The following COL3A1 variants were observed in gnomAD, a reference collection of about 807,000 sequenced individuals.
COL3A1 encodes collagen type III alpha 1 chain, also known as collagen alpha-1(III) chain.
COL3A1 carries 46 observed loss-of-function variants against 200.9 expected under a neutral mutation model. The ratio of observed to expected loss-of-function variants is 0.23; its 90% CI spans 0.18 to 0.29. The LOEUF (loss-of-function observed/expected upper bound fraction) is 0.29, where lower values mean the gene tolerates loss of function less well. COL3A1 is among the 10% of genes least tolerant of loss of function. COL3A1 has a pLI of 1.00. For missense variants in COL3A1, 1,367 were observed against 1,917.6 expected (o/e 0.71, Z 5.36); for synonymous variants, 650 against 628.0 (o/e 1.03, Z -0.52).
chr2:189,011,609 A>T lies in COL3A1; in HGVS notation c.4255-19A>T. 6.2e-7 allele frequency: 1 copy of T among 1,613,890 alleles called. No homozygotes were observed. The highest frequency in any genetic ancestry group is 8.5e-7 in the Non-Finnish European group (1 of 1,179,788). On this transcript the variant is annotated intron_variant, in intron 50 of 50. Coordinates refer to ENST00000304636, the MANE Select transcript of COL3A1 (RefSeq NM_000090.4). The stretch of plus-strand genomic sequence containing the variant: ...TAATTGTAATGTCATGATCATGTAC[A>T]TTTTGTCCTTTTTTACAGAAACACA...
At position 188,994,189 on chromosome 2, in the gene COL3A1, G is replaced by A; in HGVS notation, c.1195-45G>A. 5 of 1,612,132 alleles carry A rather than the reference G, an allele frequency of 3.1e-6. No individual in the cohort carries two copies. The highest frequency in any genetic ancestry group is 4.2e-6 in the Non-Finnish European group (5 of 1,178,244). ...ATATTTAAGTGAGATATTCATAAAA[G>A]AACATTCAAGTTCGGCTAATATAGT... On this transcript the variant is annotated intron_variant, in intron 17 of 50. Transcript: ENST00000304636. The surrounding 1 kb of genome is among the most constrained non-coding windows in gnomAD (Gnocchi z 4.5).
chr2:188,980,416 GATTAATCTTTTAGACAATTC>G (rs1687928076), intron 1 of COL3A1, among the ~76,000 whole-genome samples: 3 of 58,034 alleles, frequency 5.2e-5, no homozygotes, highest in Non-Finnish European at 9.7e-5. Context: ...AATTCTAAAA[GATTAATCTTTTAGACAATTC>G]TAAAAGATTA....
Position 189,011,968 on chromosome 2 carries a change from T to A in COL3A1, c.*194T>A. On this transcript the variant is annotated 3_prime_UTR_variant, in exon 51 of 51. Transcript: ENST00000304636. ...GCTGTTCCACCAAATACAATTCAAA[T>A]GCTTTTTGTTTTATTTTTTTACCAA... 1 of 631,226 alleles carries A rather than the reference T, an allele frequency of 1.6e-6. No individual in the cohort carries two copies. The highest frequency in any genetic ancestry group is 2.0e-5 in the South Asian group (1 of 50,070). 39.1% of individuals were successfully genotyped at this position (631,226 alleles called of 1,614,324 possible).
chr2:188,996,101 T>G (rs1215890406), intron 22 of COL3A1, 24 bp from the exon 23 acceptor site: 3 of 1,611,054 alleles, frequency 1.9e-6, no homozygotes, highest in East Asian at 2.2e-5. Context: ...TTAAATCACC[T>G]AACAACTGAC....
chr2:188,979,797 A>G (rs1220555119), intron 1 of COL3A1, among the ~76,000 whole-genome samples: 1 of 151,798 alleles, frequency 6.6e-6, no homozygotes, highest in African/African-American at 2.4e-5. Context: ...GCAGAAAGAA[A>G]ATAGAATGCA....
chr2:188,974,601 G>A, intron 1 of COL3A1, 33 bp downstream of exon 1: 1 of 1,571,648 alleles, frequency 6.4e-7, no homozygotes, highest in Admixed American at 1.7e-5. Flanking sequence ...AAACTTTATG[G>A]GATTTTTGTC....
rs772579642 is a variant in COL3A1, at chr2:189,002,318, C to T, written c.2412C>T (p.Gly804=). The T allele has an allele frequency of 1.9e-6, 3 of 1,613,918 alleles. No homozygotes were observed. The change falls in exon 35 of 51, where the codon GGC becomes GGT. Residue 804 remains glycine (G), a synonymous_variant. Coordinates refer to ENST00000304636, the MANE Select transcript of COL3A1 (RefSeq NM_000090.4). ...RGSPGERGET[G]PPGPAGFPGA... ...TTCAGGGTGAGAGAGGTGAAACTGGCCCTCCAGGACCTGCTGGTTTCCCTG... is the reference window on the plus strand; with the variant it reads ...TTCAGGGTGAGAGAGGTGAAACTGGTCCTCCAGGACCTGCTGGTTTCCCTG...
intron 14 of COL3A1, 56 bp from the exon 15 acceptor site, chr2:188,992,831 T>A (rs1333292450): frequency 1.5e-6 from 2 of 1,372,036 alleles, no homozygotes; most frequent in Non-Finnish European, 2.1e-6. Flanking sequence ...TTTACTAGTA[T>A]GTCAGCTTTC....
intron 16 of COL3A1, 54 bp from the exon 17 acceptor site, chr2:188,993,984 T>C (rs1688241824): frequency 6.5e-6 from 10 of 1,532,808 alleles, no homozygotes; most frequent in Non-Finnish European, 8.1e-6. Context: ...ACTTCAAATA[T>C]ATACGAACTA....
chr2:188,978,055 A>G, intron 1 of COL3A1: 1 of 410,292 alleles, frequency 2.4e-6, no homozygotes, highest in South Asian at 1.8e-5. Flanking sequence ...TCAGGTAATA[A>G]CAGAGCCTTG....
chr2:188,974,628 A>G, intron 1 of COL3A1, 60 bp downstream of exon 1: 2 of 1,372,178 alleles, frequency 1.5e-6, no homozygotes, highest in Non-Finnish European at 2.1e-6. Flanking sequence ...CTCCTCACAA[A>G]GAGGGGTGTA....
intron 4 of COL3A1, 147 bp downstream of exon 4, chr2:188,985,925 C>A: frequency 1.5e-6 from 1 of 675,548 alleles, no homozygotes; most frequent in Admixed American, 2.3e-5. Context: ...TTTAGTGCTT[C>A]TATGTATTAG....
chr2:188,999,974 T>G, intron 32 of COL3A1, 79 bp downstream of exon 32: 1 of 1,394,738 alleles, frequency 7.2e-7, no homozygotes, highest in Non-Finnish European at 9.9e-7. Flanking sequence ...TTTAATTTTT[T>G]CCAAAAACTA....
intron 3 of COL3A1, 105 bp from the exon 4 acceptor site, chr2:188,985,556 ATTAC>A: frequency 1.4e-6 from 1 of 736,908 alleles, no homozygotes; most frequent in Non-Finnish European, 2.3e-6. Flanking sequence ...AAGAAAATAT[ATTAC>A]TTATATTGTT....
chr2:188,997,339 C>G lies in COL3A1; in HGVS notation c.1819C>G (p.Pro607Ala), dbSNP rs376525602. The change falls in exon 26 of 51, where the codon CCT (proline) becomes GCT (alanine). Residue 607 changes from proline to alanine, a missense_variant. This residue lies in a region of COL3A1 where 846 missense variants were observed against 1,147.9 expected (regional missense o/e 0.74). Coordinates refer to ENST00000304636, the MANE Select transcript of COL3A1 (RefSeq NM_000090.4). ...CCCTAACTGTTCTTGTTTTTAGGGT[C>G]CTCCTGGAAAGAATGGTGAAACTGG... is the stretch of plus-strand genomic sequence containing the variant. ...GGPGGPGPQGPPGKNGETGPQ... is the reference protein window; with the variant it reads ...GGPGGPGPQGAPGKNGETGPQ... The G allele has an allele frequency of 1.2e-5, 19 of 1,613,712 alleles. No individual in the cohort carries two copies. The East Asian group carries it at 4.0e-4, about 34-fold the overall frequency.
At chr2:189,007,680 C>A in intron 45 of COL3A1, 73 bp downstream of exon 45, 1 of 1,373,816 alleles carries the variant, frequency 7.3e-7, no homozygotes. Flanking sequence ...AGAAAGCTTT[C>A]CATCTCTAAA....
chr2:188,978,789 TA>T (rs1431809230), intron 1 of COL3A1, among the ~76,000 whole-genome samples: 4 of 142,342 alleles, frequency 2.8e-5, no homozygotes, highest in Admixed American at 1.4e-4. Flanking sequence ...TCATATAGTG[TA>T]AAAAAAAACT....
At chr2:188,984,633 G>T in intron 1 of COL3A1, 127 bp from the exon 2 acceptor site, 4 of 807,584 alleles carry the variant, frequency 5.0e-6, no homozygotes, top group Non-Finnish European at 8.3e-6. Flanking sequence ...ATTTTCTAAT[G>T]AAAGGAAGAA....
chr2:188,978,955 G>A lies in COL3A1; in HGVS notation c.79+4387G>A, dbSNP rs562020496. Among the ~76,000 whole-genome samples the A allele has an allele frequency of 6.7e-4, 102 of 152,008 alleles. 1 individual carries two copies. The highest frequency in any genetic ancestry group is 1.0e-4 in the Non-Finnish European group (7 of 67,904). ...TCAGTCTGTGTCTAATGAAAACACAGCAGAAGTGGATTCCTTTCAGATTAA... is the reference window on the plus strand; with the variant it reads ...TCAGTCTGTGTCTAATGAAAACACAACAGAAGTGGATTCCTTTCAGATTAA... On this transcript the variant is annotated intron_variant, in intron 1 of 50. Transcript: ENST00000304636.
Sources: allele counts gnomAD v4.1 joint callset (sites outside exome capture counted in the v4.1 genomes callset), GRCh38; gene constraint gnomAD v4.1.1; regional missense constraint gnomAD v4.1.1; non-coding constraint Gnocchi (gnomAD v3.1); transcripts MANE v1.5; gene names NCBI Gene and HGNC (gene_info 2026-07-23, HGNC 2026-07-21).